The following FNDC3A variants were observed in gnomAD, a reference collection of about 807,000 sequenced individuals.
FNDC3A encodes fibronectin type-III domain-containing protein 3A.
FNDC3A carries 32 observed loss-of-function variants against 148.9 expected under a neutral mutation model. That is an observed-to-expected ratio of 0.21 (90% CI 0.16 to 0.29). The LOEUF (loss-of-function observed/expected upper bound fraction) is 0.29, where lower values mean the gene tolerates loss of function less well. Among genes scored for constraint, FNDC3A ranks in the 10% least tolerant of loss-of-function variants. The pLI is 1.00. For missense variants in FNDC3A, 1,191 were observed against 1,452.8 expected (o/e 0.82, Z 2.93); for synonymous variants, 472 against 473.6 (o/e 1.00, Z 0.04).
chr13:49,082,733 G>C (rs530202156), intron 3 of FNDC3A, among the ~76,000 whole-genome samples: 1 of 151,984 alleles, frequency 6.6e-6, no homozygotes, highest in Non-Finnish European at 1.5e-5. Context: ...CCAAGTATAG[G>C]GAGTTAGAGC....
At chr13:49,087,154 CTTGGAAGT>C in intron 3 of FNDC3A, among the ~76,000 whole-genome samples, 1 of 152,002 alleles carries the variant, frequency 6.6e-6, no homozygotes, top group East Asian at 1.9e-4. Context: ...TAGTTAGTCT[CTTGGAAGT>C]ATAAAATCTA....
At position 49,207,152 on chromosome 13, in the gene FNDC3A, A is replaced by G; in HGVS notation, c.3354A>G (p.Val1118=). The change falls in exon 26 of 26, where the codon GTA becomes GTG. Residue 1118 remains valine (V), a synonymous_variant. Transcript: ENST00000492622. ...TGAACTGTGAATATCGCTTCCGTGT[A>G]TGTGCCATTCGCCAGTGCCAAGACT... is the stretch of plus-strand genomic sequence containing the variant. ...LQLNCEYRFR[V]CAIRQCQDSL... 1.2e-6 allele frequency: 2 copies of G among 1,614,156 alleles called. No homozygotes were observed. The highest frequency in any genetic ancestry group is 2.2e-5 in the South Asian group (2 of 91,086).
chr13:49,199,489 G>C (rs978159809), intron 23 of FNDC3A, among the ~76,000 whole-genome samples: 2 of 151,798 alleles, frequency 1.3e-5, no homozygotes, highest in African/African-American at 4.8e-5. Flanking sequence ...CACCACGCCC[G>C]GCTAATTTTT....
At chr13:49,168,559 GA>G in intron 9 of FNDC3A, 53 bp from the exon 10 acceptor site, 1 of 1,406,282 alleles carries the variant, frequency 7.1e-7, no homozygotes, top group Non-Finnish European at 9.8e-7. Flanking sequence ...TGACACTATT[GA>G]AAACAGGATA....
At position 49,073,860 on chromosome 13, in the gene FNDC3A, A is replaced by G. The variant is rs181026769; in HGVS notation, c.100-1429A>G. Among the ~76,000 whole-genome samples the G allele has an allele frequency of 1.8e-3, 259 of 144,128 alleles. 1 individual carries two copies. The highest frequency in any genetic ancestry group is 6.4e-3 in the African/African-American group (238 of 37,198). 94.6% of individuals were successfully genotyped at this position (144,128 alleles called of 152,430 possible). A position where few individuals can be genotyped will look rare whatever the true frequency, so the allele number is the denominator to read the frequency against. ...TGTGTGTATATGTATATACACACAC[A>G]CATACATATATACATATTCCTTAAT... On this transcript the variant is annotated intron_variant, in intron 2 of 25. Transcript: ENST00000492622.
rs1016529943 is a variant in FNDC3A, at chr13:49,208,770, T to A, written c.*1375T>A. 2 of 152,672 alleles carry A rather than the reference T, an allele frequency of 1.3e-5. No individual in the cohort carries two copies. Among genetic ancestry groups the A allele is most frequent in the African/African-American group, 2.4e-5 (1 of 41,462 alleles). The allele number at this position is 152,672 out of a possible 1,614,324, so 9.5% of individuals were successfully genotyped here. On this transcript the variant is annotated 3_prime_UTR_variant, in exon 26 of 26. Transcript: ENST00000492622. ...GTAAAACACCTGTAACTAGCTTTTT[T>A]AATTTATTATTTGAATTTTAGGATA...
intron 1 of FNDC3A, among the ~76,000 whole-genome samples, chr13:48,999,246 A>G (rs1302076568): frequency 1.3e-5 from 2 of 152,228 alleles, no homozygotes; most frequent in South Asian, 4.1e-4. Flanking sequence ...AAAGCAGAGC[A>G]TTGAATCAAA....
At chr13:49,159,917 C>T (rs529508421) in intron 8 of FNDC3A, among the ~76,000 whole-genome samples, 12 of 152,290 alleles carry the variant, frequency 7.9e-5, no homozygotes, top group Non-Finnish European at 1.5e-4. Context: ...TGATGGATTA[C>T]GTTTATTGAT....
intron 1 of FNDC3A, among the ~76,000 whole-genome samples, chr13:48,990,454 T>C (rs1260183027): frequency 6.6e-6 from 1 of 151,746 alleles, no homozygotes; most frequent in African/African-American, 2.4e-5. Context: ...CTGTTTAATA[T>C]AAAAATGATG....
At chr13:48,997,170 T>C (rs1276963707) in intron 1 of FNDC3A, among the ~76,000 whole-genome samples, 1 of 152,178 alleles carries the variant, frequency 6.6e-6, no homozygotes, top group East Asian at 1.9e-4. Context: ...TAATCCTGCT[T>C]TGCATTTTTC....
intron 8 of FNDC3A, among the ~76,000 whole-genome samples, chr13:49,164,785 A>G (rs550959079): frequency 3.9e-5 from 6 of 151,956 alleles, no homozygotes; most frequent in Admixed American, 2.0e-4. Flanking sequence ...AATTTTTTGC[A>G]TTTTTAGTAG....
chr13:49,050,037 G>C (rs1874057648), intron 2 of FNDC3A, among the ~76,000 whole-genome samples: 1 of 152,020 alleles, frequency 6.6e-6, no homozygotes, highest in South Asian at 2.1e-4. Flanking sequence ...TTCTTTTCTT[G>C]GTTAATCTCA....
At chr13:49,204,083 GTAT>G (rs1288433117) in intron 25 of FNDC3A, among the ~76,000 whole-genome samples, 1 of 152,128 alleles carries the variant, frequency 6.6e-6, no homozygotes, top group Non-Finnish European at 1.5e-5. Context: ...TACAATAATA[GTAT>G]TAATAATAGT....
chr13:49,135,763 G>A (rs1882320705), intron 5 of FNDC3A, among the ~76,000 whole-genome samples: 1 of 152,022 alleles, frequency 6.6e-6, no homozygotes, highest in Admixed American at 6.6e-5. Context: ...TAGAATGAGT[G>A]GATTCTTCTA....
intron 3 of FNDC3A, among the ~76,000 whole-genome samples, chr13:49,109,374 C>T (rs982774757): frequency 1.3e-4 from 20 of 152,124 alleles, no homozygotes; most frequent in African/African-American, 4.3e-4. Context: ...AGTAAATTGC[C>T]TTGCTAATAA....
chr13:49,025,447 A>G (rs1873634604), intron 2 of FNDC3A, among the ~76,000 whole-genome samples: 1 of 152,080 alleles, frequency 6.6e-6, no homozygotes, highest in Non-Finnish European at 1.5e-5. Flanking sequence ...TTCTTTAACT[A>G]GTAAGCATAG....
chr13:49,160,113 C>T (rs1285492543), intron 8 of FNDC3A, among the ~76,000 whole-genome samples: 1 of 152,192 alleles, frequency 6.6e-6, no homozygotes, highest in Non-Finnish European at 1.5e-5. Flanking sequence ...GCTTTGGTAT[C>T]AGGATGATGC....
chr13:49,142,066 T>C (rs996807981), intron 7 of FNDC3A, among the ~76,000 whole-genome samples: 17 of 152,230 alleles, frequency 1.1e-4, no homozygotes, highest in Admixed American at 1.0e-3. Flanking sequence ...TCAAGTGATA[T>C]GGATATAAAA....
chr13:49,162,145 T>C (rs181513378), intron 8 of FNDC3A, among the ~76,000 whole-genome samples: 2 of 152,216 alleles, frequency 1.3e-5, no homozygotes, highest in Admixed American at 6.5e-5. Flanking sequence ...TAAATTTGAA[T>C]GTTGGCCTGC....
Sources: allele counts gnomAD v4.1 joint callset (sites outside exome capture counted in the v4.1 genomes callset), GRCh38; gene constraint gnomAD v4.1.1; transcripts MANE v1.5; gene names NCBI Gene and HGNC (gene_info 2026-07-23, HGNC 2026-07-21).